Variants in MACF1 observed in about 807,000 individuals in gnomAD.
MACF1 encodes microtubule-actin cross-linking factor 1.
A neutral mutation model predicts 854.8 loss-of-function variants in MACF1; 193 were observed. The ratio of observed to expected loss-of-function variants is 0.23; its 90% CI spans 0.20 to 0.25. The LOEUF is 0.25. Ranked by LOEUF, MACF1 falls within the 10% of genes least tolerant of loss-of-function variation. The pLI, the probability that MACF1 is intolerant of heterozygous loss-of-function variation, is 1.00. For missense variants in MACF1, 7,722 were observed against 8,929.1 expected, an observed-to-expected ratio of 0.86 and a Z score of 5.45; for synonymous variants, 3,185 against 3,226.7, an observed-to-expected ratio of 0.99 and a Z score of 0.44.
At chr1:39,373,801 C>A (rs1310652685) in intron 52 of MACF1, among the ~76,000 whole-genome samples, 3 of 148,720 alleles carry the variant, frequency 2.0e-5, no homozygotes, top group African/African-American at 7.5e-5. Flanking sequence ...TGCAGTGAGC[C>A]AAGATCGTGC....
intron 6 of MACF1, among the ~76,000 whole-genome samples, chr1:39,274,924 G>A (rs1424918230): frequency 6.6e-6 from 1 of 152,012 alleles, no homozygotes; most frequent in East Asian, 1.9e-4. Context: ...AAAAGAACAA[G>A]AAAATGAATA....
intron 70 of MACF1, chr1:39,436,442 T>A (rs772617168): frequency 1.2e-6 from 2 of 1,613,084 alleles, no homozygotes; most frequent in South Asian, 2.2e-5. Context: ...CCCCACATCG[T>A]CACATTTCAT....
intron 6 of MACF1, among the ~76,000 whole-genome samples, chr1:39,259,266 A>G (rs1351757762): frequency 1.3e-5 from 2 of 152,102 alleles, no homozygotes; most frequent in Admixed American, 6.5e-5. Flanking sequence ...CCCAACTACT[A>G]CAACTAAATT....
chr1:39,427,505 C>T lies in MACF1; in HGVS notation c.16367C>T (p.Thr5456Ile), dbSNP rs150229499. 502 of 1,614,130 alleles carry T rather than the reference C, an allele frequency of 3.1e-4. 1 individual carries two copies. Among genetic ancestry groups the T allele is most frequent in the Middle Eastern group, 1.8e-3 (11 of 6,060 alleles). Residue 5456 changes from threonine to isoleucine, a missense_variant, in exon 62 of 101, where the codon ACA becomes ATA. By Grantham distance (89) the Thr-to-Ile change is moderately conservative. Coordinates refer to ENST00000564288, the MANE Select transcript of MACF1 (RefSeq NM_001394062.1). The part of the protein sequence containing the change: ...ILVLAKQFHE[T>I]AEPISDFLSV... The stretch of plus-strand genomic sequence containing the variant: ...GTTCTGGCCAAACAGTTCCATGAGA[C>T]AGCTGAGCCTATTTCTGACTTCTTA...
intron 2 of MACF1, among the ~76,000 whole-genome samples, chr1:39,099,240 C>T (rs1642007532): frequency 6.6e-6 from 1 of 152,224 alleles, no homozygotes; most frequent in Non-Finnish European, 1.5e-5. Flanking sequence ...ACTGCAACCT[C>T]TGCCTCCTGG....
chr1:39,086,948 T>G (rs1641687871), intron 2 of MACF1, among the ~76,000 whole-genome samples: 1 of 152,170 alleles, frequency 6.6e-6, no homozygotes, highest in Middle Eastern at 3.2e-3. Flanking sequence ...ACTTGTGCAC[T>G]GCAGTTGGGC....
At position 39,331,842 on chromosome 1, in the gene MACF1, G is replaced by A. The variant is rs773281062; in HGVS notation, c.5254G>A (p.Val1752Ile). 1.5e-5 allele frequency: 24 copies of A among 1,614,046 alleles called. No homozygotes were observed. Among genetic ancestry groups the A allele is most frequent in the Admixed American group, 8.3e-5 (5 of 59,988 alleles). Reference protein sequence around the residue: ...SGRKVSIFRAVQEGLIDRQVT... With the variant: ...SGRKVSIFRAIQEGLIDRQVT... The stretch of plus-strand genomic sequence containing the variant: ...CCGGAAGGTTAGCATTTTCCGTGCA[G>A]TTCAGGAAGGGCTAATAGATAGGCA... The change falls in exon 37 of 101, where the codon GTT becomes ATT. Residue 1752 changes from valine to isoleucine, a missense_variant. Around this residue, in one of 15 missense-constraint regions of MACF1, gnomAD observed 1,531 missense variants for 1,601.6 expected, o/e 0.96. Transcript: ENST00000564288.
chr1:39,368,999 C>CT (rs552062352), intron 50 of MACF1, among the ~76,000 whole-genome samples: 12,621 of 121,758 alleles, frequency 0.1, 864 homozygotes, highest in African/African-American at 0.18. Context: ...AGTCCCCTGG[C>CT]TTTTTTTTTT....
intron 2 of MACF1, among the ~76,000 whole-genome samples, chr1:39,094,204 A>G (rs192650049): frequency 1.1e-3 from 160 of 151,936 alleles, no homozygotes; most frequent in East Asian, 8.4e-3. Flanking sequence ...CAGCATTTTG[A>G]GAGGCCAAGG....
At chr1:39,351,581 C>CTTTT (rs36123797) in intron 43 of MACF1, among the ~76,000 whole-genome samples, 65 of 85,890 alleles carry the variant, frequency 7.6e-4, no homozygotes, top group Middle Eastern at 0.011. Context: ...AAGCAAATGG[C>CTTTT]TTTTTTTTTT....
chr1:39,183,312 T>C (rs1312047418), intron 2 of MACF1, among the ~76,000 whole-genome samples: 3 of 152,224 alleles, frequency 2.0e-5, no homozygotes, highest in African/African-American at 7.2e-5. Context: ...GATACTTAAA[T>C]ATCCATTGAA....
chr1:39,209,622 C>T (rs1644492946), intron 1 of MACF1, among the ~76,000 whole-genome samples: 1 of 62,268 alleles, frequency 1.6e-5, no homozygotes, highest in Admixed American at 2.2e-4. Context: ...TATTCCATCA[C>T]CTCCCCATCC....
intron 2 of MACF1, among the ~76,000 whole-genome samples, chr1:39,183,654 G>C (rs1644131973): frequency 6.6e-6 from 1 of 152,148 alleles, no homozygotes; most frequent in African/African-American, 2.4e-5. Flanking sequence ...TTTTAAGTGG[G>C]ACTGTGCCCT....
chr1:39,106,850 C>T (rs1177936795), intron 2 of MACF1, among the ~76,000 whole-genome samples: 1 of 134,392 alleles, frequency 7.4e-6, no homozygotes, highest in Non-Finnish European at 1.6e-5. Flanking sequence ...CTTGGGAATG[C>T]AGCAGGAAAA....
At chr1:39,330,619 A>G (rs1394819745) in intron 36 of MACF1, among the ~76,000 whole-genome samples, 2 of 152,156 alleles carry the variant, frequency 1.3e-5, no homozygotes, top group Non-Finnish European at 2.9e-5. Context: ...TGTCACTCAG[A>G]TATGCTTAAT....
At chr1:39,303,619 A>G (rs1646098260) in intron 23 of MACF1, among the ~76,000 whole-genome samples, 1 of 150,642 alleles carries the variant, frequency 6.6e-6, no homozygotes, top group South Asian at 2.1e-4. Flanking sequence ...TGGGAGGCCG[A>G]GGGAGGCGGA....
At chr1:39,397,107 C>A (rs897993260) in intron 58 of MACF1, among the ~76,000 whole-genome samples, 5 of 152,154 alleles carry the variant, frequency 3.3e-5, no homozygotes, top group African/African-American at 4.8e-5. Context: ...TTTAACCCAT[C>A]CTTACTGGGC....
chr1:39,178,110 T>G (rs1393228036), intron 2 of MACF1, among the ~76,000 whole-genome samples: 1 of 152,016 alleles, frequency 6.6e-6, no homozygotes, highest in East Asian at 1.9e-4. Context: ...GAGGTTATAT[T>G]TGTGTCCTCA....
intron 2 of MACF1, among the ~76,000 whole-genome samples, chr1:39,151,326 CTA>C (rs1398070756): frequency 1.3e-5 from 2 of 152,168 alleles, no homozygotes; most frequent in Non-Finnish European, 2.9e-5. Flanking sequence ...GATTCTGTAT[CTA>C]TAGTGTCCTA....
Sources: gnomAD v4.1 joint callset for allele counts (sites outside exome capture counted in the v4.1 genomes callset) on GRCh38, gnomAD v4.1.1 for gene constraint, gnomAD v4.1.1 regional missense constraint, MANE v1.5 for transcripts, NCBI Gene and HGNC (gene_info 2026-07-23, HGNC 2026-07-21) for gene names.